Variants in SNCAIP observed in about 807,000 individuals in gnomAD.
The protein encoded by SNCAIP is synuclein alpha interacting protein.
In SNCAIP, 43 loss-of-function variants were observed where a neutral mutation model predicts 86.7. The observed-to-expected ratio is 0.50, with a 90% confidence interval of 0.39 to 0.64. SNCAIP has a LOEUF of 0.64. Among genes scored for constraint, SNCAIP ranks in the 30% least tolerant of loss-of-function variants. The pLI is 0.00. For missense variants in SNCAIP, 981 were observed against 1,103.1 expected, an observed-to-expected ratio of 0.89 and a Z score of 1.57; for synonymous variants, 417 against 427.2, an observed-to-expected ratio of 0.98 and a Z score of 0.29.
chr5:122,451,434 G>A lies in SNCAIP; in HGVS notation c.2587G>A (p.Ala863Thr). The change falls in exon 10 of 11, where the codon GCC becomes ACC. Residue 863 changes from alanine (A) to threonine (T), a missense_variant. Physicochemically the swap from Ala to Thr is moderately conservative, Grantham distance 58. Coordinates refer to ENST00000261368, the MANE Select transcript of SNCAIP (RefSeq NM_005460.4). ...GGATCAACTGAAAAGGCCTTTTGGA[G>A]CCTTTCGATCTATCATGGAGACACT... ...SGDQLKRPFG[A>T]FRSIMETLSG... 1 of 1,614,040 alleles carries A rather than the reference G, an allele frequency of 6.2e-7. No individual in the cohort carries two copies. The highest frequency in any genetic ancestry group is 2.2e-5 in the East Asian group (1 of 44,886).
chr5:122,436,187 A>G (rs1464777380), intron 6 of SNCAIP, among the ~76,000 whole-genome samples: 3 of 151,936 alleles, frequency 2.0e-5, no homozygotes, highest in Admixed American at 2.0e-4. Flanking sequence ...TCAATGGGTT[A>G]GATATTTTAA....
chr5:122,370,983 C>A (rs561410808), intron 1 of SNCAIP, among the ~76,000 whole-genome samples: 1 of 152,096 alleles, frequency 6.6e-6, no homozygotes, highest in African/African-American at 2.4e-5. Context: ...ATGCTGCCTG[C>A]TGTTTAGAGT....
intron 3 of SNCAIP, among the ~76,000 whole-genome samples, chr5:122,406,250 T>G (rs1448107735): frequency 4.6e-5 from 7 of 152,216 alleles, no homozygotes; most frequent in Admixed American, 4.6e-4. Context: ...GGCATCCAGA[T>G]GTAGAAATAA....
At position 122,406,428 on chromosome 5, in the gene SNCAIP, A is replaced by G. The variant is rs145741447; in HGVS notation, c.130+2563A>G. ...GGCACTCTCAGGGGAAACTTCCTCA[A>G]CCGTCTGTCACTTACAGTATACCTG... On this transcript the variant is annotated intron_variant, in intron 3 of 10. Coordinates refer to ENST00000261368, the MANE Select transcript of SNCAIP (RefSeq NM_005460.4). 3.9e-5 allele frequency among the ~76,000 whole-genome samples: 6 copies of G among 152,284 alleles called. No homozygotes were observed. The East Asian group carries it at 1.2e-3, about 29-fold the overall frequency.
chr5:122,432,093 G>A lies in SNCAIP; in HGVS notation c.1296+11G>A, dbSNP rs1778520060. On this transcript the variant is annotated intron_variant, in intron 6 of 10. Transcript: ENST00000261368. ...GGTTGCTATGGCCAGGTATGAAGGAGTTTTTTAAGTATCTTCCCTTTGTGT... is the reference window on the plus strand; with the variant it reads ...GGTTGCTATGGCCAGGTATGAAGGAATTTTTTAAGTATCTTCCCTTTGTGT... 2 of 1,126,972 alleles carry A rather than the reference G, an allele frequency of 1.8e-6. No homozygotes were observed. The highest frequency in any genetic ancestry group is 2.0e-4 in the Middle Eastern group (1 of 5,044). 69.8% of individuals were successfully genotyped at this position (1,126,972 alleles called of 1,614,324 possible). A position where few individuals can be genotyped will look rare whatever the true frequency, so the allele number is the denominator to read the frequency against.
At chr5:122,373,378 T>A (rs73794591) in intron 1 of SNCAIP, among the ~76,000 whole-genome samples, 1,699 of 152,236 alleles carry the variant, frequency 0.011, 28 homozygotes, top group African/African-American at 0.037. Flanking sequence ...TGATATCAGT[T>A]GATGATTTTA....
chr5:122,410,595 G>T (rs1265996387), intron 3 of SNCAIP, among the ~76,000 whole-genome samples: 1 of 152,224 alleles, frequency 6.6e-6, no homozygotes, highest in African/African-American at 2.4e-5. Flanking sequence ...GACCGAGGCA[G>T]GTGGATCATT....
rs145226105 is a variant in SNCAIP, at chr5:122,446,463, T to C, written c.1592+1731T>C. 1.9e-3 allele frequency among the ~76,000 whole-genome samples: 287 copies of C among 152,364 alleles called. 2 individuals carry two copies. Among genetic ancestry groups the C allele is most frequent in the African/African-American group, 6.4e-3 (265 of 41,576 alleles). The stretch of plus-strand genomic sequence containing the variant: ...TTCATGAGCTACAATCGCTCTTTTA[T>C]TGGTGAACTGCTCAAAGTCAAAGTC... On this transcript the variant is annotated intron_variant, in intron 8 of 10. Coordinates refer to ENST00000261368, the MANE Select transcript of SNCAIP (RefSeq NM_005460.4).
chr5:122,327,893 A>G (rs1043837236), intron 1 of SNCAIP, among the ~76,000 whole-genome samples: 21 of 152,206 alleles, frequency 1.4e-4, no homozygotes, highest in African/African-American at 4.6e-4. Context: ...AGAGGGAACT[A>G]TGATCTCCAT....
In SNCAIP at chr5:122,331,170, C is replaced by A. The variant is rs1479832904; in HGVS notation, c.-47+18886C>A. On this transcript the variant is annotated intron_variant, in intron 1 of 10. Coordinates refer to ENST00000261368, the MANE Select transcript of SNCAIP (RefSeq NM_005460.4). Reference sequence around the variant, plus strand: ...CACCTTCTCCTGTGTAGCCTGGTTCCTAACAGGACTCGAACTGATATCAGT... The same window carrying A: ...CACCTTCTCCTGTGTAGCCTGGTTCATAACAGGACTCGAACTGATATCAGT... Among the ~76,000 whole-genome samples, 3 of 152,242 alleles carry A rather than the reference C, an allele frequency of 2.0e-5. No individual in the cohort carries two copies. The East Asian group carries it at 5.8e-4, about 29-fold the overall frequency.
At chr5:122,367,071 G>C (rs1763333677) in intron 1 of SNCAIP, among the ~76,000 whole-genome samples, 1 of 152,104 alleles carries the variant, frequency 6.6e-6, no homozygotes, top group Admixed American at 6.6e-5. Context: ...ACCCAAGTCT[G>C]TCACCTCAGC....
intron 4 of SNCAIP, among the ~76,000 whole-genome samples, chr5:122,424,906 T>G (rs765176308): frequency 2.6e-5 from 4 of 152,218 alleles, no homozygotes; most frequent in African/African-American, 4.8e-5. Context: ...GTCATCATGT[T>G]GTTTGCCATA....
At chr5:122,458,653 C>T (rs779019572) in intron 10 of SNCAIP, among the ~76,000 whole-genome samples, 3 of 152,204 alleles carry the variant, frequency 2.0e-5, no homozygotes, top group Non-Finnish European at 4.4e-5. Context: ...GAGGACAGCG[C>T]GGATGGACAA....
intron 1 of SNCAIP, among the ~76,000 whole-genome samples, chr5:122,335,360 T>C (rs1756228538): frequency 6.6e-6 from 1 of 152,188 alleles, no homozygotes; most frequent in Non-Finnish European, 1.5e-5. Context: ...AAACAATCAT[T>C]GGGCTAAATT....
At chr5:122,369,851 A>G (rs1763934933) in intron 1 of SNCAIP, 1 of 152,174 alleles carries the variant, frequency 6.6e-6, no homozygotes, top group Non-Finnish European at 1.5e-5. Flanking sequence ...GTTGGCATCC[A>G]GGCTTCTTAG....
intron 1 of SNCAIP, among the ~76,000 whole-genome samples, chr5:122,345,986 A>G (rs1392364982): frequency 1.3e-5 from 2 of 152,160 alleles, no homozygotes; most frequent in African/African-American, 4.8e-5. Flanking sequence ...TATAATGATG[A>G]TGGGATGAGT....
At chr5:122,313,330 C>G (rs1334594979) in intron 1 of SNCAIP, among the ~76,000 whole-genome samples, 1 of 152,226 alleles carries the variant, frequency 6.6e-6, no homozygotes. Context: ...AGGACAGTCT[C>G]GCCACACACC....
chr5:122,348,706 C>A (rs1347117011), intron 1 of SNCAIP, among the ~76,000 whole-genome samples: 1 of 151,882 alleles, frequency 6.6e-6, no homozygotes, highest in African/African-American at 2.4e-5. Context: ...CAGAATTGGA[C>A]CAATGAACAA....
Position 122,459,129 on chromosome 5 carries a change from T to C in SNCAIP, c.2755-4362T>C, listed in dbSNP as rs150258920. 4.0e-3 allele frequency among the ~76,000 whole-genome samples: 614 copies of C among 152,314 alleles called. 7 individuals carry two copies. The highest frequency in any genetic ancestry group is 0.024 in the Middle Eastern group (7 of 294). ...ATTTGGGCACTTCAAATACAAGTTT[T>C]CATGCCTTGAACCAAAATCCATTTC... On this transcript the variant is annotated intron_variant, in intron 10 of 10. Transcript: ENST00000261368.
Sources: allele counts gnomAD v4.1 joint callset (sites outside exome capture counted in the v4.1 genomes callset), GRCh38; gene constraint gnomAD v4.1.1; transcripts MANE v1.5; gene names NCBI Gene and HGNC (gene_info 2026-07-23, HGNC 2026-07-21).